Variants in PTPRD observed in about 807,000 individuals in gnomAD.
The protein encoded by PTPRD is protein tyrosine phosphatase receptor type D.
In PTPRD, 34 loss-of-function variants were observed where a neutral mutation model predicts 214.5. The ratio of observed to expected loss-of-function variants is 0.16; its 90% CI spans 0.12 to 0.21. The LOEUF (loss-of-function observed/expected upper bound fraction) is 0.21. PTPRD is among the 10% of genes least tolerant of loss of function. PTPRD has a pLI of 1.00. For missense variants in PTPRD, 2,545 were observed against 2,398.7 expected (o/e 1.06, Z -1.27); for synonymous variants, 1,128 against 845.7 (o/e 1.33, Z -5.79).
intron 12 of PTPRD, among the ~76,000 whole-genome samples, chr9:8,715,774 T>C (rs57677998): frequency 0.1 from 15,549 of 152,278 alleles, 2,386 homozygotes; most frequent in African/African-American, 0.33. Flanking sequence ...TTGATCTCTT[T>C]AATATTGAGA....
chr9:9,978,050 A>C (rs1300699630), intron 4 of PTPRD, among the ~76,000 whole-genome samples: 2 of 152,126 alleles, frequency 1.3e-5, no homozygotes, highest in African/African-American at 4.8e-5. Context: ...ACTTTTCTCA[A>C]GTCCATCAGA....
At chr9:10,296,907 T>G (rs597090) in intron 3 of PTPRD, among the ~76,000 whole-genome samples, 17,552 of 151,782 alleles carry the variant, frequency 0.12, 1,185 homozygotes, top group South Asian at 0.21. Context: ...TTCACTAGAT[T>G]TATTGATTTT....
At chr9:10,026,598 A>G (rs1264903578) in intron 4 of PTPRD, among the ~76,000 whole-genome samples, 1 of 152,178 alleles carries the variant, frequency 6.6e-6, no homozygotes, top group African/African-American at 2.4e-5. Flanking sequence ...GTCACAGTAC[A>G]GTTACAATAA....
intron 9 of PTPRD, among the ~76,000 whole-genome samples, chr9:9,297,926 G>C (rs1419138018): frequency 6.6e-6 from 1 of 151,564 alleles, no homozygotes; most frequent in Non-Finnish European, 1.5e-5. Context: ...TATAAGATAA[G>C]TATTCTTCCG....
intron 5 of PTPRD, among the ~76,000 whole-genome samples, chr9:9,842,705 C>A (rs2058631106): frequency 6.7e-6 from 1 of 148,616 alleles, no homozygotes; most frequent in Non-Finnish European, 1.5e-5. Flanking sequence ...CAGATCATTG[C>A]TTCATTGGCT....
intron 12 of PTPRD, among the ~76,000 whole-genome samples, chr9:8,730,977 T>C (rs1180924974): frequency 6.6e-6 from 1 of 152,292 alleles, no homozygotes; most frequent in East Asian, 1.9e-4. Context: ...CAAACACACG[T>C]CTAGCTTTTT....
At chr9:9,678,910 T>G (rs2096996770) in intron 7 of PTPRD, among the ~76,000 whole-genome samples, 1 of 151,804 alleles carries the variant, frequency 6.6e-6, no homozygotes, top group African/African-American at 2.4e-5. Flanking sequence ...AAAATCACTC[T>G]AAAACTCATG....
At chr9:9,139,408 T>A (rs1296600967) in intron 10 of PTPRD, among the ~76,000 whole-genome samples, 1 of 152,234 alleles carries the variant, frequency 6.6e-6, no homozygotes, top group Non-Finnish European at 1.5e-5. Context: ...AACTGAAGAC[T>A]TAACTGTACT....
intron 9 of PTPRD, among the ~76,000 whole-genome samples, chr9:9,213,939 T>A (rs2099950470): frequency 6.7e-6 from 1 of 148,994 alleles, no homozygotes; most frequent in South Asian, 2.1e-4. Flanking sequence ...ATTTGCTCAC[T>A]TTTCTAGAAT....
At chr9:10,521,536 T>G (rs10756054) in intron 2 of PTPRD, among the ~76,000 whole-genome samples, 58,994 of 152,038 alleles carry the variant, frequency 0.39, 12,987 homozygotes, top group Non-Finnish European at 0.51. Context: ...TTTGAAAGAA[T>G]GTCTACTATA....
chr9:10,491,733 CT>C (rs1352443419), intron 2 of PTPRD, among the ~76,000 whole-genome samples: 1 of 151,062 alleles, frequency 6.6e-6, no homozygotes, highest in Non-Finnish European at 1.5e-5. Flanking sequence ...TTTTATTATA[CT>C]TTAAGTTCCG....
intron 10 of PTPRD, among the ~76,000 whole-genome samples, chr9:9,169,335 C>T (rs2099910065): frequency 6.6e-6 from 1 of 152,098 alleles, no homozygotes; most frequent in South Asian, 2.1e-4. Flanking sequence ...CTCAGTGTTT[C>T]TGATTCAATG....
chr9:8,526,687 G>A (rs754069333), intron 16 of PTPRD, 43 bp from the exon 17 acceptor site: 3 of 1,529,062 alleles, frequency 2.0e-6, no homozygotes, highest in African/African-American at 1.4e-5. Flanking sequence ...GAAAGAAGAA[G>A]CATTAGTACG....
At chr9:8,421,370 T>TTCTCTTCTCTTCTC (rs141962478) in intron 35 of PTPRD, among the ~76,000 whole-genome samples, 4 of 146,644 alleles carry the variant, frequency 2.7e-5, no homozygotes, top group African/African-American at 1.1e-4. Context: ...TTCTCTTCTC[T>TTCTCTTCTCTTCTC]TCTCTCTCTC....
At chr9:9,226,091 C>A (rs1347864894) in intron 9 of PTPRD, among the ~76,000 whole-genome samples, 1 of 151,998 alleles carries the variant, frequency 6.6e-6, no homozygotes, top group South Asian at 2.1e-4. Context: ...AATGAATTGA[C>A]GTTACCTCTA....
At chr9:9,340,682 C>G (rs2046435575) in intron 9 of PTPRD, among the ~76,000 whole-genome samples, 1 of 152,182 alleles carries the variant, frequency 6.6e-6, no homozygotes, top group Non-Finnish European at 1.5e-5. Flanking sequence ...AGCTGGAAAG[C>G]TGTTGGACAT....
At chr9:9,746,736 A>T (rs536437054) in intron 6 of PTPRD, among the ~76,000 whole-genome samples, 1 of 152,234 alleles carries the variant, frequency 6.6e-6, no homozygotes, top group Admixed American at 6.5e-5. Context: ...GAGCTAGCTC[A>T]CACGCTCTGT....
chr9:8,967,223 A>G (rs922312712), intron 11 of PTPRD, among the ~76,000 whole-genome samples: 2 of 152,092 alleles, frequency 1.3e-5, no homozygotes, highest in African/African-American at 2.4e-5. Flanking sequence ...TCCTGCCACT[A>G]TGGAAAGCAG....
At chr9:10,065,192 A>AAAGAAAGG (rs1567445453) in intron 3 of PTPRD, among the ~76,000 whole-genome samples, 1 of 143,902 alleles carries the variant, frequency 6.9e-6, no homozygotes, top group East Asian at 2.2e-4. Context: ...AGAAAGAAAG[A>AAAGAAAGG]AAAGGATGCT....
Sources: allele counts gnomAD v4.1 joint callset (sites outside exome capture counted in the v4.1 genomes callset), GRCh38; gene constraint gnomAD v4.1.1; transcripts MANE v1.5; gene names NCBI Gene and HGNC (gene_info 2026-07-23, HGNC 2026-07-21).